The following TBC1D4 variants were observed in gnomAD, a reference collection of about 807,000 sequenced individuals.
TBC1D4 encodes the protein TBC (Tre-2, BUB2, CDC16) domain-containing protein.
Under a neutral mutation model 142.5 loss-of-function variants are expected in TBC1D4, and 121 were observed. That is an observed-to-expected ratio of 0.85 (90% CI 0.73 to 0.99). The LOEUF (loss-of-function observed/expected upper bound fraction) is 0.99, where lower values mean the gene tolerates loss of function less well. TBC1D4 is among the 50% of genes least tolerant of loss of function. The pLI is 0.00. For missense variants in TBC1D4, 1,475 were observed against 1,606.6 expected (o/e 0.92, Z 1.40); for synonymous variants, 630 against 628.2 (o/e 1.00, Z -0.04).
At chr13:75,356,725 C>T (rs1211861099) in intron 3 of TBC1D4, among the ~76,000 whole-genome samples, 1 of 152,132 alleles carries the variant, frequency 6.6e-6, no homozygotes, top group Non-Finnish European at 1.5e-5. Context: ...GAATGTTTGT[C>T]TCTTTATAGA....
At position 75,285,615 on chromosome 13, in the gene TBC1D4, G is replaced by A. The variant is rs532637679; in HGVS notation, c.*1177C>T. 1 of 152,732 alleles carries A rather than the reference G, an allele frequency of 6.5e-6. No individual in the cohort carries two copies. Among genetic ancestry groups the A allele is most frequent in the South Asian group, 2.1e-4 (1 of 4,828 alleles). 9.5% of individuals were successfully genotyped at this position (152,732 alleles called of 1,614,324 possible). A position where few individuals can be genotyped will look rare whatever the true frequency, so the allele number is the denominator to read the frequency against. ...AGGTTTTAGTTGAGCTGGTAACACT[G>A]GTACCACTTTCTTTTTTCCCTTCCA... On this transcript the variant is annotated 3_prime_UTR_variant, in exon 21 of 21. Transcript: ENST00000377636.
chr13:75,335,541 C>A (rs1280116361), intron 8 of TBC1D4, among the ~76,000 whole-genome samples: 2 of 151,970 alleles, frequency 1.3e-5, no homozygotes, highest in Non-Finnish European at 2.9e-5. Context: ...AATCTCATGT[C>A]AGATTGTAAT....
At chr13:75,459,523 T>C (rs1434434538) in intron 1 of TBC1D4, among the ~76,000 whole-genome samples, 2 of 152,224 alleles carry the variant, frequency 1.3e-5, no homozygotes, top group Non-Finnish European at 2.9e-5. Flanking sequence ...CTAACTCCTA[T>C]GTCTAGCAGT....
chr13:75,428,234 A>C (rs899648448), intron 1 of TBC1D4, among the ~76,000 whole-genome samples: 37 of 152,144 alleles, frequency 2.4e-4, no homozygotes, highest in African/African-American at 8.7e-4. Flanking sequence ...CATGACAGTA[A>C]AATGCTTCGT....
intron 1 of TBC1D4, among the ~76,000 whole-genome samples, chr13:75,411,039 T>G (rs1437996339): frequency 6.6e-6 from 1 of 151,162 alleles, no homozygotes; most frequent in Non-Finnish European, 1.5e-5. Context: ...TGAATCCACG[T>G]GGCTAAAGCT....
chr13:75,306,658 G>A (rs1180118797), intron 14 of TBC1D4, among the ~76,000 whole-genome samples, 187 bp from the exon 15 acceptor site: 1 of 151,936 alleles, frequency 6.6e-6, no homozygotes, highest in Admixed American at 6.6e-5. Flanking sequence ...CATTTCATGT[G>A]AGAAAAAAAA....
chr13:75,284,470 T>C lies in TBC1D4; in HGVS notation c.*2322A>G, dbSNP rs1197373275. ...GATCTCCTGCATGCACAGTTCACAATAGGGTTTGCGCTCCTATGAGAATCT... is the reference window on the plus strand; with the variant it reads ...GATCTCCTGCATGCACAGTTCACAACAGGGTTTGCGCTCCTATGAGAATCT... On this transcript the variant is annotated 3_prime_UTR_variant, in exon 21 of 21. Transcript: ENST00000377636. Among the ~76,000 whole-genome samples the C allele has an allele frequency of 2.0e-5, 3 of 152,236 alleles. No individual in the cohort carries two copies. Among genetic ancestry groups the C allele is most frequent in the East Asian group, 3.9e-4 (2 of 5,172 alleles).
intron 3 of TBC1D4, among the ~76,000 whole-genome samples, chr13:75,356,652 C>A (rs1882075565): frequency 6.6e-6 from 1 of 152,144 alleles, no homozygotes; most frequent in Non-Finnish European, 1.5e-5. Flanking sequence ...CTGAGAAAAA[C>A]TAATACTGAC....
chr13:75,326,376 T>C lies in TBC1D4; in HGVS notation c.1854A>G (p.Pro618=). The C allele has an allele frequency of 1.9e-6, 3 of 1,614,076 alleles. No homozygotes were observed. The highest frequency in any genetic ancestry group is 2.5e-6 in the Non-Finnish European group (3 of 1,180,010). ...GAAACGTTTGCCAAGCTGAGGACGG[T>C]GGGGACGCTGGCGGTGTCCCTGGTG... ...DSPPGTPPAS[P]PSSAWQTFPE... is the part of the protein sequence containing the mutation. Residue 618 remains proline (P), a synonymous_variant, in exon 10 of 21, where the codon CCA becomes CCG. Coordinates refer to ENST00000377636, the MANE Select transcript of TBC1D4 (RefSeq NM_014832.5).
chr13:75,468,736 A>C (rs1888270173), intron 1 of TBC1D4, among the ~76,000 whole-genome samples: 1 of 152,226 alleles, frequency 6.6e-6, no homozygotes, highest in Admixed American at 6.5e-5. Flanking sequence ...AAACAAACAT[A>C]CATCTTTGCC....
intron 5 of TBC1D4, among the ~76,000 whole-genome samples, chr13:75,346,943 T>A (rs977587280): frequency 6.6e-6 from 1 of 152,204 alleles, no homozygotes; most frequent in African/African-American, 2.4e-5. Context: ...CTACTAATTA[T>A]GCCATTGATC....
At chr13:75,401,784 T>C (rs1371030510) in intron 1 of TBC1D4, among the ~76,000 whole-genome samples, 1 of 152,210 alleles carries the variant, frequency 6.6e-6, no homozygotes, top group Non-Finnish European at 1.5e-5. Flanking sequence ...AGAATGTATC[T>C]ATCAACCTAG....
At chr13:75,475,201 C>G (rs1888585371) in intron 1 of TBC1D4, among the ~76,000 whole-genome samples, 1 of 152,210 alleles carries the variant, frequency 6.6e-6, no homozygotes, top group African/African-American at 2.4e-5. Flanking sequence ...CCAATGACAT[C>G]CTTAGAGTTG....
At chr13:75,394,307 C>G (rs1009682033) in intron 1 of TBC1D4, among the ~76,000 whole-genome samples, 1 of 152,218 alleles carries the variant, frequency 6.6e-6, no homozygotes, top group African/African-American at 2.4e-5. Flanking sequence ...ATTCATTTTA[C>G]TTCCTCATTT....
intron 1 of TBC1D4, among the ~76,000 whole-genome samples, chr13:75,365,258 T>G (rs1882838455): frequency 6.6e-6 from 1 of 151,934 alleles, no homozygotes; most frequent in Non-Finnish European, 1.5e-5. Context: ...CTACCTTTTC[T>G]CAGGTTATGA....
intron 1 of TBC1D4, among the ~76,000 whole-genome samples, chr13:75,457,186 T>G (rs1443530797): frequency 6.6e-6 from 1 of 152,226 alleles, no homozygotes; most frequent in Non-Finnish European, 1.5e-5. Context: ...TTCTACATTT[T>G]AATATGGATG....
rs9565152 is a variant in TBC1D4, at chr13:75,341,125, A to C, written c.1611T>G (p.Ser537=). ...GGTGAAGTAGGAAATATCTTCTCAC[A>C]GAAGGGCCTTCCCCGATGTGCACGT... ...KTHVHIGEGP[S]TISNSTIPEN... The change falls in exon 7 of 21, where the codon TCT becomes TCG. Residue 537 remains serine (S), a splice_region_variant and synonymous_variant. Transcript: ENST00000377636. 67,562 of 1,612,562 alleles carry C rather than the reference A, an allele frequency of 0.042. 2,805 individuals carry two copies. The highest frequency in any genetic ancestry group is 0.17 in the Admixed American group (10,340 of 59,932).
intron 1 of TBC1D4, among the ~76,000 whole-genome samples, chr13:75,379,219 T>C (rs994784059): frequency 6.6e-6 from 1 of 152,010 alleles, no homozygotes; most frequent in African/African-American, 2.4e-5. Context: ...AGCTAAATTA[T>C]TACTTGATTT....
chr13:75,288,842 A>C, intron 20 of TBC1D4, 92 bp downstream of exon 20: 2 of 1,354,426 alleles, frequency 1.5e-6, no homozygotes, highest in Non-Finnish European at 2.1e-6. Flanking sequence ...GCAATGGTTC[A>C]TTCCACGCAC....
Sources: gnomAD v4.1 joint callset for allele counts (sites outside exome capture counted in the v4.1 genomes callset) on GRCh38, gnomAD v4.1.1 for gene constraint, MANE v1.5 for transcripts, NCBI Gene and HGNC (gene_info 2026-07-23, HGNC 2026-07-21) for gene names.